SOX5: variants seen among roughly 807,000 people sequenced by gnomAD.
SOX5 encodes the protein transcription factor SOX-5.
A neutral mutation model predicts 92.0 loss-of-function variants in SOX5; 9 were observed. The observed-to-expected ratio is 0.10, with a 90% CI of 0.06 to 0.17. The LOEUF is 0.17. Ranked by LOEUF, SOX5 falls within the 10% of genes least tolerant of loss-of-function variation. The pLI is 1.00. For missense variants in SOX5, 642 were observed against 944.5 expected, an observed-to-expected ratio of 0.68 and a Z score of 4.20; for synonymous variants, 344 against 336.3, an observed-to-expected ratio of 1.02 and a Z score of -0.25.
chr12:23,944,792 G>A (rs1270592376), intron 1 of SOX5, among the ~76,000 whole-genome samples: 3 of 152,116 alleles, frequency 2.0e-5, no homozygotes, highest in South Asian at 4.1e-4. Context: ...TCATTAGGAA[G>A]GAGATATTTC....
chr12:24,174,177 T>C (rs1417927762), intron 4 of SOX5, among the ~76,000 whole-genome samples: 1 of 152,092 alleles, frequency 6.6e-6, no homozygotes, highest in Admixed American at 6.5e-5. Flanking sequence ...TTTGTATTTT[T>C]AGTAGAGATG....
chr12:24,213,698 A>T (rs1958910957), intron 3 of SOX5, among the ~76,000 whole-genome samples: 1 of 151,956 alleles, frequency 6.6e-6, no homozygotes, highest in Non-Finnish European at 1.5e-5. Context: ...ATCAATGAAA[A>T]ACTAAACAAT....
chr12:23,812,508 G>A (rs1323934478), intron 3 of SOX5, among the ~76,000 whole-genome samples: 1 of 151,896 alleles, frequency 6.6e-6, no homozygotes, highest in Non-Finnish European at 1.5e-5. Context: ...TACTTTAAAG[G>A]ACAATCTGTT....
chr12:24,218,919 T>A (rs1005946723), intron 3 of SOX5, among the ~76,000 whole-genome samples: 1 of 152,106 alleles, frequency 6.6e-6, no homozygotes, highest in Admixed American at 6.6e-5. Flanking sequence ...TGTAATACAA[T>A]CCAAGTGTCA....
intron 1 of SOX5, among the ~76,000 whole-genome samples, chr12:23,917,239 A>G (rs1448582962): frequency 1.3e-5 from 2 of 152,168 alleles, no homozygotes; most frequent in African/African-American, 4.8e-5. Flanking sequence ...ATTTAGGCTC[A>G]GTATTAAAAA....
chr12:24,530,596 T>C (rs1336063006), intron 1 of SOX5, among the ~76,000 whole-genome samples: 2 of 151,430 alleles, frequency 1.3e-5, no homozygotes. Context: ...GAGGTTGCAA[T>C]GAGCCAAGAT....
At chr12:24,381,129 T>C (rs1450342351) in intron 1 of SOX5, among the ~76,000 whole-genome samples, 1 of 152,212 alleles carries the variant, frequency 6.6e-6, no homozygotes, top group African/African-American at 2.4e-5. Context: ...AAGCACAGCC[T>C]GGCCATGACA....
chr12:24,370,995 C>G (rs1411673176), intron 1 of SOX5, among the ~76,000 whole-genome samples: 1 of 152,060 alleles, frequency 6.6e-6, no homozygotes, highest in Non-Finnish European at 1.5e-5. Flanking sequence ...GGTTAATGCC[C>G]AGGAATGTGA....
At chr12:24,416,820 T>C (rs1965101044) in intron 1 of SOX5, among the ~76,000 whole-genome samples, 1 of 152,244 alleles carries the variant, frequency 6.6e-6, no homozygotes, top group South Asian at 2.1e-4. Flanking sequence ...TGAGTGATCT[T>C]GGGCATGTTC....
intron 7 of SOX5, among the ~76,000 whole-genome samples, chr12:23,656,083 T>C (rs374898523): frequency 2.6e-5 from 4 of 151,964 alleles, no homozygotes; most frequent in Middle Eastern, 3.2e-3. Context: ...GCCTGAAAGA[T>C]GAAAAAGATA....
At chr12:23,638,940 T>C (rs1422666554) in intron 8 of SOX5, among the ~76,000 whole-genome samples, 2 of 152,038 alleles carry the variant, frequency 1.3e-5, no homozygotes, top group South Asian at 2.1e-4. Flanking sequence ...GTTTTAATAG[T>C]AGCTGATGGC....
chr12:24,402,680 AACAGAGGTGTAGCAGTATAAAAAAAG>A, intron 1 of SOX5, among the ~76,000 whole-genome samples: 1 of 152,326 alleles, frequency 6.6e-6, no homozygotes, highest in Non-Finnish European at 1.5e-5. Context: ...ATGGAAACAT[AACAGAGGTGTAGCAGTATAAAAAAAG>A]AAAGCCTGAG....
At chr12:24,211,049 C>A (rs1253599427) in intron 4 of SOX5, among the ~76,000 whole-genome samples, 1 of 152,150 alleles carries the variant, frequency 6.6e-6, no homozygotes, top group Non-Finnish European at 1.5e-5. Context: ...ACACCACTCA[C>A]CCTCCATAGC....
chr12:23,615,582 T>C (rs150219156), intron 8 of SOX5, among the ~76,000 whole-genome samples: 12 of 152,310 alleles, frequency 7.9e-5, no homozygotes, highest in South Asian at 6.2e-4. Context: ...CTCTCACTTA[T>C]AGGTGAGAAC....
chr12:23,910,909 C>T (rs1253891436), intron 1 of SOX5, among the ~76,000 whole-genome samples: 3 of 152,156 alleles, frequency 2.0e-5, no homozygotes, highest in African/African-American at 4.8e-5. Context: ...TTCAGATCCA[C>T]CTCTTCACAA....
intron 11 of SOX5, among the ~76,000 whole-genome samples, chr12:23,554,996 G>C (rs58148862): frequency 1.3e-5 from 2 of 151,952 alleles, no homozygotes; most frequent in East Asian, 3.9e-4. Context: ...TCTTTGATAG[G>C]CTAGGCTTTT....
In SOX5 at chr12:23,665,488, T is replaced by C. The variant is rs1362270338; in HGVS notation, c.887A>G (p.Gln296Arg). 2 of 1,613,526 alleles carry C rather than the reference T, an allele frequency of 1.2e-6. No individual in the cohort carries two copies. The highest frequency in any genetic ancestry group is 1.3e-5 in the African/African-American group (1 of 74,896). Residue 296 changes from glutamine (Q) to arginine (R), a missense_variant, in exon 7 of 15, where the codon CAA becomes CGA. Transcript: ENST00000451604. ...DQRTLAAAAQQGFLLPPGFSY... is the reference protein window; with the variant it reads ...DQRTLAAAAQRGFLLPPGFSY... ...GAAGCCTGGAGGGAGGAGGAATCCT[T>C]GCTGGGCAGCTGCAGCCAGTGTCCG... is the stretch of plus-strand genomic sequence containing the variant.
At chr12:24,537,886 G>GT (rs1157449115) in intron 1 of SOX5, among the ~76,000 whole-genome samples, 13 of 152,088 alleles carry the variant, frequency 8.5e-5, no homozygotes, top group African/African-American at 2.9e-4. Flanking sequence ...ACCCATGCTG[G>GT]TTTTGTATCT....
chr12:23,611,236 T>C (rs917494102), intron 8 of SOX5, among the ~76,000 whole-genome samples: 2 of 152,158 alleles, frequency 1.3e-5, no homozygotes, highest in African/African-American at 4.8e-5. Flanking sequence ...GTAAATGAGA[T>C]CACATGGTAT....
Sources: allele counts gnomAD v4.1 joint callset (sites outside exome capture counted in the v4.1 genomes callset), GRCh38; gene constraint gnomAD v4.1.1; transcripts MANE v1.5; gene names NCBI Gene and HGNC (gene_info 2026-07-23, HGNC 2026-07-21).